SP4: variants seen among roughly 807,000 people sequenced by gnomAD.
SP4 encodes Sp4 transcription factor.
In SP4, 19 loss-of-function variants were observed where a neutral mutation model predicts 72.8. The observed-to-expected ratio is 0.26, with a 90% CI of 0.18 to 0.38. The LOEUF is 0.38. Among genes scored for constraint, SP4 ranks in the 10% least tolerant of loss-of-function variants. The pLI is 1.00. For synonymous variants in SP4, 395 were observed against 333.1 expected (o/e 1.19, Z -2.02); for missense variants, 1,008 against 926.3 (o/e 1.09, Z -1.14).
intron 3 of SP4, among the ~76,000 whole-genome samples, chr7:21,435,779 A>G (rs886147854): frequency 2.0e-5 from 3 of 152,144 alleles, no homozygotes; most frequent in Admixed American, 6.5e-5. Flanking sequence ...GGCTTTACCT[A>G]TTGAATGATT....
intron 5 of SP4, among the ~76,000 whole-genome samples, chr7:21,510,782 C>G (rs540138817): frequency 6.6e-6 from 1 of 152,240 alleles, no homozygotes; most frequent in Non-Finnish European, 1.5e-5. Context: ...TTACTTGCTC[C>G]AGCTTTTATT....
At chr7:21,482,202 C>A in intron 5 of SP4, 79 bp downstream of exon 5, 1 of 1,120,582 alleles carries the variant, frequency 8.9e-7, no homozygotes, top group Non-Finnish European at 1.3e-6. Context: ...GTTTAGCTAT[C>A]AAATTGGAAA....
chr7:21,458,219 G>A (rs1263565140), intron 3 of SP4, among the ~76,000 whole-genome samples: 1 of 152,150 alleles, frequency 6.6e-6, no homozygotes, highest in African/African-American at 2.4e-5. Context: ...TGGGGATGGA[G>A]TCTCACTCTG....
intron 4 of SP4, among the ~76,000 whole-genome samples, chr7:21,481,109 C>T (rs1784672739): frequency 6.6e-6 from 1 of 152,166 alleles, no homozygotes; most frequent in East Asian, 1.9e-4. Flanking sequence ...CAAGGGCAAC[C>T]TGGACCCCAG....
At chr7:21,441,865 T>C (rs970333081) in intron 3 of SP4, among the ~76,000 whole-genome samples, 1 of 152,174 alleles carries the variant, frequency 6.6e-6, no homozygotes, top group African/African-American at 2.4e-5. Context: ...GTAATAGGCA[T>C]TGAGAAACTA....
At chr7:21,482,651 C>CT (rs574984537) in intron 5 of SP4, 91 of 984,678 alleles carry the variant, frequency 9.2e-5, no homozygotes, top group South Asian at 8.0e-4. Flanking sequence ...ACCCTTTCAC[C>CT]TTTCAAAGAC....
intron 3 of SP4, among the ~76,000 whole-genome samples, chr7:21,474,597 A>G (rs1473873911): frequency 6.6e-6 from 1 of 152,226 alleles, no homozygotes; most frequent in Non-Finnish European, 1.5e-5. Context: ...CCTTTTGTTT[A>G]TGTATTGCTT....
At chr7:21,508,101 G>A (rs1411685920) in intron 5 of SP4, among the ~76,000 whole-genome samples, 1 of 152,118 alleles carries the variant, frequency 6.6e-6, no homozygotes, top group Non-Finnish European at 1.5e-5. Context: ...ACAGTCTCAG[G>A]TTTGTCTGTG....
At chr7:21,498,622 G>A (rs543574391) in intron 5 of SP4, among the ~76,000 whole-genome samples, 1 of 152,192 alleles carries the variant, frequency 6.6e-6, no homozygotes, top group South Asian at 2.1e-4. Flanking sequence ...ACAGAGGTGA[G>A]GCAAGTCAAC....
At chr7:21,447,280 T>C (rs776332252) in intron 3 of SP4, among the ~76,000 whole-genome samples, 2 of 152,188 alleles carry the variant, frequency 1.3e-5, no homozygotes, top group Non-Finnish European at 2.9e-5. Flanking sequence ...CAAAACCCAA[T>C]ACTTTATACC....
chr7:21,445,949 A>G (rs1290840750), intron 3 of SP4, among the ~76,000 whole-genome samples: 1 of 148,742 alleles, frequency 6.7e-6, no homozygotes, highest in Admixed American at 6.9e-5. Context: ...CCGTATTTCC[A>G]AAACATATGA....
At chr7:21,497,096 T>C (rs550106414) in intron 5 of SP4, among the ~76,000 whole-genome samples, 7 of 152,396 alleles carry the variant, frequency 4.6e-5, no homozygotes, top group Admixed American at 4.6e-4. Flanking sequence ...TGGGCATCCA[T>C]GAAGTTAAAA....
At chr7:21,480,743 T>C (rs1170169382) in intron 4 of SP4, among the ~76,000 whole-genome samples, 1 of 152,228 alleles carries the variant, frequency 6.6e-6, no homozygotes, top group African/African-American at 2.4e-5. Context: ...TCTGGCAAAC[T>C]AGCCAACCTG....
chr7:21,461,458 C>T (rs184289188), intron 3 of SP4, among the ~76,000 whole-genome samples: 85 of 152,212 alleles, frequency 5.6e-4, no homozygotes, highest in Non-Finnish European at 9.6e-4. Flanking sequence ...CCCGGCGCAT[C>T]CTCCGCAGCT....
At chr7:21,438,483 A>G (rs1214259772) in intron 3 of SP4, among the ~76,000 whole-genome samples, 1 of 152,086 alleles carries the variant, frequency 6.6e-6, no homozygotes, top group Non-Finnish European at 1.5e-5. Context: ...ATTTCTGTTC[A>G]TTCTTAAATT....
At chr7:21,435,033 A>C (rs1783002202) in intron 3 of SP4, among the ~76,000 whole-genome samples, 2 of 152,204 alleles carry the variant, frequency 1.3e-5, no homozygotes, top group African/African-American at 4.8e-5. Flanking sequence ...CAGGTGTTAC[A>C]TTTCCTTAAA....
chr7:21,484,521 C>T (rs2128411809), intron 5 of SP4, among the ~76,000 whole-genome samples: 1 of 151,912 alleles, frequency 6.6e-6, no homozygotes, highest in Middle Eastern at 3.4e-3. Flanking sequence ...TAGTAAAGCT[C>T]TGAATTTTAA....
chr7:21,437,377 G>A (rs748618193), intron 3 of SP4, among the ~76,000 whole-genome samples: 27 of 152,178 alleles, frequency 1.8e-4, no homozygotes, highest in African/African-American at 6.5e-4. Flanking sequence ...TTTTAGTATT[G>A]ATAGTTGTGG....
chr7:21,486,286 T>C (rs2128412261), intron 5 of SP4, among the ~76,000 whole-genome samples: 1 of 152,188 alleles, frequency 6.6e-6, no homozygotes, highest in East Asian at 1.9e-4. Context: ...AGTTCGCATA[T>C]CATTCACCAA....
Sources: gnomAD v4.1 joint callset for allele counts (sites outside exome capture counted in the v4.1 genomes callset) on GRCh38, gnomAD v4.1.1 for gene constraint, MANE v1.5 for transcripts, NCBI Gene and HGNC (gene_info 2026-07-23, HGNC 2026-07-21) for gene names.